The following CHLSN variants were observed in gnomAD, a reference collection of about 807,000 sequenced individuals.
CHLSN encodes the protein cholesin, also known as protein cholesin.
At chr7:1,037,624 G>C in the CHLSN span, among the ~76,000 whole-genome samples, 1 of 143,776 alleles carries the variant, frequency 7.0e-6, no homozygotes, top group Non-Finnish European at 1.6e-5. Flanking sequence ...CGCCTGCCTT[G>C]GCCTCCCAAA....
the CHLSN span, chr7:1,044,675 A>C: frequency 3.3e-5 from 5 of 151,948 alleles, no homozygotes; most frequent in African/African-American, 1.2e-4. Flanking sequence ...GGGGCCCGGG[A>C]GCCTGGGTCG....
the CHLSN span, among the ~76,000 whole-genome samples, chr7:1,080,074 G>C: frequency 2.6e-5 from 4 of 152,242 alleles, no homozygotes; most frequent in African/African-American, 9.6e-5. Context: ...CCAGGGCTCA[G>C]TAGGACCCTT....
the CHLSN span, among the ~76,000 whole-genome samples, chr7:1,129,521 C>T: frequency 6.6e-6 from 1 of 152,188 alleles, no homozygotes; most frequent in Admixed American, 6.5e-5. Context: ...TCTCGGCTCA[C>T]TGCGTCCTCA....
the CHLSN span, chr7:989,261 G>C: frequency 5.3e-6 from 1 of 187,478 alleles, no homozygotes; most frequent in African/African-American, 2.3e-5. Context: ...GACTCCTGCA[G>C]ACCCCACTCC....
chr7:1,119,852 G>A, the CHLSN span, among the ~76,000 whole-genome samples: 214 of 149,464 alleles, frequency 1.4e-3, no homozygotes, highest in African/African-American at 5.1e-3. Context: ...ACTCCAGCCT[G>A]GGCAACAAGA....
At chr7:1,084,284 C>T in the CHLSN span, among the ~76,000 whole-genome samples, 5 of 152,232 alleles carry the variant, frequency 3.3e-5, no homozygotes, top group Middle Eastern at 3.2e-3. Flanking sequence ...AGGCGGGGGA[C>T]GCCAGCGATG....
the CHLSN span, chr7:1,055,596 CA>C: frequency 2.7e-6 from 1 of 373,900 alleles, no homozygotes; most frequent in Non-Finnish European, 5.4e-6. Flanking sequence ...AGAGAGGACG[CA>C]GGGGGTTCTG....
the CHLSN span, among the ~76,000 whole-genome samples, chr7:993,965 G>C: frequency 6.6e-6 from 1 of 152,052 alleles, no homozygotes; most frequent in Non-Finnish European, 1.5e-5. Flanking sequence ...GCTGGGGCAG[G>C]GGACGGTTTC....
the CHLSN span, among the ~76,000 whole-genome samples, chr7:1,065,430 G>A: frequency 6.6e-6 from 1 of 152,260 alleles, no homozygotes; most frequent in East Asian, 1.9e-4. Context: ...ACATCAACAG[G>A]TGGACAGATA....
chr7:1,022,031 G>A, the CHLSN span, among the ~76,000 whole-genome samples: 2 of 152,158 alleles, frequency 1.3e-5, no homozygotes, highest in Non-Finnish European at 2.9e-5. Flanking sequence ...CAGGCGTGGC[G>A]CCTGGGCCAC....
chr7:1,136,222 A>C, the CHLSN span, among the ~76,000 whole-genome samples: 1 of 115,280 alleles, frequency 8.7e-6, no homozygotes, highest in Non-Finnish European at 1.6e-5. Flanking sequence ...ATATATAAAC[A>C]TATATAAATA....
At chr7:998,553 T>G in the CHLSN span, among the ~76,000 whole-genome samples, 21,725 of 147,940 alleles carry the variant, frequency 0.15, 2,048 homozygotes, top group African/African-American at 0.28. Flanking sequence ...CAAGTAATTC[T>G]CCTGCCTCAG....
chr7:1,052,545 G>A, the CHLSN span, among the ~76,000 whole-genome samples: 86 of 152,272 alleles, frequency 5.6e-4, no homozygotes, highest in African/African-American at 2.0e-3. This position sits in a 1 kb window ranked among gnomAD's most constrained non-coding sequence, Gnocchi z 4.2. Flanking sequence ...GGGGAGCCAG[G>A]AAGGAGCAGC....
At chr7:1,136,586 A>AC in the CHLSN span, among the ~76,000 whole-genome samples, 1 of 136,540 alleles carries the variant, frequency 7.3e-6, no homozygotes, top group South Asian at 2.1e-4. Context: ...ACATATATAA[A>AC]CATATATAAA....
chr7:985,279 C>A, the CHLSN span: 1 of 1,551,754 alleles, frequency 6.4e-7, no homozygotes, highest in Non-Finnish European at 8.7e-7. Flanking sequence ...CCTGCTGGGT[C>A]TCATCGATGA....
At chr7:1,010,748 C>T in the CHLSN span, among the ~76,000 whole-genome samples, 1 of 152,190 alleles carries the variant, frequency 6.6e-6, no homozygotes, top group Non-Finnish European at 1.5e-5. Flanking sequence ...TCTTGCCCAC[C>T]CTCCCCTCAT....
chr7:1,098,442 T>A, the CHLSN span, among the ~76,000 whole-genome samples: 3 of 152,100 alleles, frequency 2.0e-5, no homozygotes, highest in Non-Finnish European at 4.4e-5. Flanking sequence ...TACTCTGCCA[T>A]GAAAAGGAAC....
the CHLSN span, among the ~76,000 whole-genome samples, chr7:1,102,679 G>A: frequency 6.6e-6 from 1 of 152,226 alleles, no homozygotes; most frequent in Admixed American, 6.5e-5. Context: ...CTGGAGAACA[G>A]GTGACCCACT....
the CHLSN span, chr7:1,092,895 G>T: frequency 6.3e-7 from 1 of 1,577,110 alleles, no homozygotes; most frequent in East Asian, 2.3e-5. Flanking sequence ...GGTGTGACTC[G>T]GGAGCTGCAC....
Sources: gnomAD v4.1 joint callset for allele counts (sites outside exome capture counted in the v4.1 genomes callset) on GRCh38, gnomAD v4.1.1 for gene constraint, Gnocchi (gnomAD v3.1) non-coding constraint, MANE v1.5 for transcripts, NCBI Gene and HGNC (gene_info 2026-07-23, HGNC 2026-07-21) for gene names.